Variants in SPATA45 observed in about 807,000 individuals in gnomAD.
SPATA45 encodes spermatogenesis-associated protein 45.
Under a neutral mutation model 7.0 loss-of-function variants are expected in SPATA45, and 5 were observed. That is an observed-to-expected ratio of 0.71 (90% CI 0.37 to 1.50). The LOEUF (loss-of-function observed/expected upper bound fraction) is 1.50. SPATA45 is among the 40% of genes most tolerant of loss of function. The probability of loss-of-function intolerance (pLI) is 0.03; values close to 1 mark genes in which losing one functional copy is unlikely to be tolerated. For synonymous variants in SPATA45, 40 were observed against 38.7 expected, an observed-to-expected ratio of 1.03 and a Z score of -0.13; for missense variants, 111 against 114.9, an observed-to-expected ratio of 0.97 and a Z score of 0.16.
intron 1 of SPATA45, among the ~76,000 whole-genome samples, chr1:212,846,905 TGAGAC>T (rs1220360566): frequency 2.0e-5 from 3 of 152,148 alleles, no homozygotes; most frequent in African/African-American, 7.2e-5. Context: ...TTTCTCTTTC[TGAGAC>T]AAGGTCTCAC....
chr1:212,842,953 T>C (rs2172981), intron 1 of SPATA45, among the ~76,000 whole-genome samples: 104,672 of 149,906 alleles, frequency 0.7, 37,018 homozygotes, highest in African/African-American at 0.77. Flanking sequence ...AAAAATTAGC[T>C]GGGCGTGGTG....
At chr1:212,836,555 T>C (rs1258625802) in intron 1 of SPATA45, among the ~76,000 whole-genome samples, 1 of 151,742 alleles carries the variant, frequency 6.6e-6, no homozygotes. Context: ...GGTCTCGAAC[T>C]CCTGTCCTCA....
intron 1 of SPATA45, among the ~76,000 whole-genome samples, chr1:212,841,989 G>A (rs1663696228): frequency 6.6e-6 from 1 of 151,834 alleles, no homozygotes; most frequent in Non-Finnish European, 1.5e-5. Flanking sequence ...TTGAACTCCT[G>A]ACCTCAAGTG....
At chr1:212,843,843 T>A (rs1292253299) in intron 1 of SPATA45, among the ~76,000 whole-genome samples, 1 of 152,204 alleles carries the variant, frequency 6.6e-6, no homozygotes, top group Admixed American at 6.5e-5. Context: ...ACAGGTTAGT[T>A]CAGGATCTGT....
chr1:212,842,854 C>T (rs553076689), intron 1 of SPATA45, among the ~76,000 whole-genome samples: 10 of 149,174 alleles, frequency 6.7e-5, no homozygotes, highest in Admixed American at 3.3e-4. Flanking sequence ...GTTGGGAGGC[C>T]GAGGCAGGCG....
At chr1:212,839,422 G>A (rs1175528898) in intron 1 of SPATA45, among the ~76,000 whole-genome samples, 1 of 151,116 alleles carries the variant, frequency 6.6e-6, no homozygotes, top group African/African-American at 2.4e-5. Flanking sequence ...TTCAAGACCA[G>A]ACTAAGCAAT....
At chr1:212,843,986 C>A (rs560311871) in intron 1 of SPATA45, among the ~76,000 whole-genome samples, 33 of 152,154 alleles carry the variant, frequency 2.2e-4, no homozygotes, top group African/African-American at 7.7e-4. Context: ...AAATCCTTTC[C>A]CCACTCTCCT....
chr1:212,830,672 C>CA (rs35293333), intron 2 of SPATA45, among the ~76,000 whole-genome samples: 132 of 135,724 alleles, frequency 9.7e-4, no homozygotes, highest in Middle Eastern at 4.2e-3. Flanking sequence ...ACTCCGACTC[C>CA]AAAAAAAAAA....
In SPATA45 at chr1:212,844,199, C is replaced by T. The variant is rs138470730; in HGVS notation, c.-39+3381G>A. ...GCTTAGCCCTCATGTCTGTGTGCAGCGGCTGCTGCTGCTGCTTTAATACTT... is the reference window on the plus strand; with the variant it reads ...GCTTAGCCCTCATGTCTGTGTGCAGTGGCTGCTGCTGCTGCTTTAATACTT... On this transcript the variant is annotated intron_variant, in intron 1 of 2. Coordinates refer to ENST00000332912, the MANE Select transcript of SPATA45 (RefSeq NM_001024601.3). 1.9e-3 allele frequency among the ~76,000 whole-genome samples: 293 copies of T among 152,306 alleles called. 1 individual carries two copies. The highest frequency in any genetic ancestry group is 3.3e-3 in the Non-Finnish European group (222 of 68,020).
intron 2 of SPATA45, among the ~76,000 whole-genome samples, chr1:212,831,909 G>C (rs1446428526): frequency 6.6e-6 from 1 of 150,722 alleles, no homozygotes; most frequent in African/African-American, 2.4e-5. Flanking sequence ...TAGTTATATG[G>C]GCAGCAATAC....
intron 2 of SPATA45, among the ~76,000 whole-genome samples, chr1:212,831,644 A>G (rs1489169704): frequency 6.6e-6 from 1 of 151,352 alleles, no homozygotes; most frequent in Non-Finnish European, 1.5e-5. Context: ...ATCTCGGACT[A>G]AGAGAACTTC....
intron 1 of SPATA45, among the ~76,000 whole-genome samples, chr1:212,838,001 C>T (rs1391900323): frequency 6.6e-6 from 1 of 151,436 alleles, no homozygotes; most frequent in African/African-American, 2.4e-5. Flanking sequence ...TAACATAAAC[C>T]AGAAGACAAA....
chr1:212,842,907 T>C (rs558538284), intron 1 of SPATA45, among the ~76,000 whole-genome samples: 3 of 143,522 alleles, frequency 2.1e-5, no homozygotes, highest in East Asian at 2.0e-4. Context: ...GCTAACACGG[T>C]GAAACCCTGT....
chr1:212,844,900 T>C (rs1337276717), intron 1 of SPATA45, among the ~76,000 whole-genome samples: 2 of 152,132 alleles, frequency 1.3e-5, no homozygotes, highest in Non-Finnish European at 2.9e-5. Flanking sequence ...TCAGATCCCA[T>C]CGCTCAGGGC....
chr1:212,838,773 C>T lies in SPATA45; in HGVS notation c.-38-2586G>A, dbSNP rs60994517. On this transcript the variant is annotated intron_variant, in intron 1 of 2. Transcript: ENST00000332912. ...CTAGAGTGAAGTGGCGTGACCATGGCTCACGGCATCCTCGACCTCCCAGGC... is the reference window on the plus strand; with the variant it reads ...CTAGAGTGAAGTGGCGTGACCATGGTTCACGGCATCCTCGACCTCCCAGGC... Among the ~76,000 whole-genome samples, 766 of 151,668 alleles carry T rather than the reference C, an allele frequency of 5.1e-3. 8 individuals are homozygous for T. Among genetic ancestry groups the T allele is most frequent in the African/African-American group, 0.018 (726 of 41,466 alleles).
rs552115602 is a variant in SPATA45, at chr1:212,831,206, C to T, written c.278-945G>A. ...CCAAATGGTTGGGCACGGTGGCTCA[C>T]GCCTGTAATCCCAGCGCTTTGGGAG... On this transcript the variant is annotated intron_variant, in intron 2 of 2. Transcript: ENST00000332912. Among the ~76,000 whole-genome samples, 241 of 151,018 alleles carry T rather than the reference C, an allele frequency of 1.6e-3. 2 individuals are homozygous for T. Among genetic ancestry groups the T allele is most frequent in the African/African-American group, 4.7e-3 (195 of 41,348 alleles).
intron 1 of SPATA45, among the ~76,000 whole-genome samples, chr1:212,838,787 G>A (rs566078872): frequency 5.3e-5 from 8 of 151,432 alleles, no homozygotes; most frequent in South Asian, 2.1e-4. Flanking sequence ...CGGCATCCTC[G>A]ACCTCCCAGG....
chr1:212,837,963 G>T (rs1187871582), intron 1 of SPATA45, among the ~76,000 whole-genome samples: 1 of 151,540 alleles, frequency 6.6e-6, no homozygotes, highest in East Asian at 1.9e-4. Flanking sequence ...GGGACAATTG[G>T]ACCAACAGCT....
rs1359385005 is a variant in SPATA45, at chr1:212,830,280, A to G, written c.278-19T>C. The G allele has an allele frequency of 7.0e-7, 1 of 1,427,510 alleles. No homozygotes were observed. Among genetic ancestry groups the G allele is most frequent in the Admixed American group, 1.8e-5 (1 of 55,528 alleles). The allele number at this position is 1,427,510 out of a possible 1,614,324, so 88.4% of individuals were successfully genotyped here. A position where few individuals can be genotyped will look rare whatever the true frequency, so the allele number is the denominator to read the frequency against. On this transcript the variant is annotated intron_variant, in intron 2 of 2. Transcript: ENST00000332912. Reference sequence around the variant, plus strand: ...GCATTATCTGAAAAAATAAAAAATAAAAAGTATTTGTTATATAACTTATAA... The same window carrying G: ...GCATTATCTGAAAAAATAAAAAATAGAAAGTATTTGTTATATAACTTATAA...
Sources: allele counts gnomAD v4.1 joint callset (sites outside exome capture counted in the v4.1 genomes callset), GRCh38; gene constraint gnomAD v4.1.1; transcripts MANE v1.5; gene names NCBI Gene and HGNC (gene_info 2026-07-23, HGNC 2026-07-21).